The following DPP10 variants were observed in gnomAD, a reference collection of about 807,000 sequenced individuals.
DPP10 encodes inactive dipeptidyl peptidase 10.
A neutral mutation model predicts 120.9 loss-of-function variants in DPP10; 33 were observed. That is an observed-to-expected ratio of 0.27 (90% confidence interval 0.21 to 0.37). The LOEUF (loss-of-function observed/expected upper bound fraction) is 0.37, where lower values mean the gene tolerates loss of function less well. Among genes scored for constraint, DPP10 ranks in the 10% least tolerant of loss-of-function variants. The pLI is 1.00. For synonymous variants in DPP10, 337 were observed against 326.1 expected (o/e 1.03, Z -0.36); for missense variants, 816 against 942.8 (o/e 0.87, Z 1.76).
intron 1 of DPP10, among the ~76,000 whole-genome samples, chr2:115,308,550 T>C (rs561408563): frequency 6.6e-6 from 1 of 152,208 alleles, no homozygotes; most frequent in Non-Finnish European, 1.5e-5. Flanking sequence ...ATGAATAGCT[T>C]TACCACATGC....
intron 1 of DPP10, among the ~76,000 whole-genome samples, chr2:114,614,129 G>T (rs1375406528): frequency 6.6e-6 from 1 of 152,054 alleles, no homozygotes; most frequent in Non-Finnish European, 1.5e-5. Flanking sequence ...AGAACTTAAA[G>T]TAAAATAAAA....
intron 1 of DPP10, among the ~76,000 whole-genome samples, chr2:114,458,280 A>G (rs182118768): frequency 7.9e-4 from 120 of 152,252 alleles, no homozygotes; most frequent in African/African-American, 2.7e-3. Context: ...TTCAAATTCT[A>G]TATTAATCTA....
chr2:114,841,361 A>C (rs1688140785), intron 1 of DPP10, among the ~76,000 whole-genome samples: 1 of 152,164 alleles, frequency 6.6e-6, no homozygotes, highest in South Asian at 2.1e-4. Flanking sequence ...TTGCAAATAA[A>C]ATGATAGGCT....
chr2:115,197,879 G>T (rs2055400619), intron 1 of DPP10, among the ~76,000 whole-genome samples: 1 of 152,152 alleles, frequency 6.6e-6, no homozygotes, highest in Non-Finnish European at 1.5e-5. Context: ...TGTATTTTCA[G>T]AATCTTATTA....
chr2:114,558,057 G>A (rs1688465038), intron 1 of DPP10, among the ~76,000 whole-genome samples: 1 of 152,146 alleles, frequency 6.6e-6, no homozygotes, highest in African/African-American at 2.4e-5. Context: ...ATGTGAGGAT[G>A]ACTGGAAGTA....
rs376988463 is a variant in DPP10 at position 115,162,276 on chromosome 2, A to G, written c.61-146963A>G. 13 of 1,541,348 alleles carry G rather than the reference A, an allele frequency of 8.4e-6. No individual in the cohort carries two copies. The African/African-American group carries it at 1.8e-4, about 21-fold the overall frequency. ...CCGCGGGGAAGGGGGCAGAGAGGTA[A>G]AGGCTGAAGGTGCCCCGGGGAACCC... On this transcript the variant is annotated intron_variant, in intron 1 of 25. Transcript: ENST00000410059.
chr2:114,782,887 C>T (rs1419983414), intron 1 of DPP10, among the ~76,000 whole-genome samples: 1 of 152,086 alleles, frequency 6.6e-6, no homozygotes, highest in African/African-American at 2.4e-5. Flanking sequence ...AGCTTAAAAA[C>T]ACTCCTCAGC....
intron 8 of DPP10, among the ~76,000 whole-genome samples, chr2:115,737,486 A>T (rs1025108838): frequency 6.6e-6 from 1 of 152,058 alleles, no homozygotes; most frequent in Non-Finnish European, 1.5e-5. Context: ...ATCTTTTTTC[A>T]AATCTTGTAA....
chr2:115,461,104 GCTT>G (rs982393524), intron 3 of DPP10, among the ~76,000 whole-genome samples: 1 of 152,074 alleles, frequency 6.6e-6, no homozygotes, highest in Non-Finnish European at 1.5e-5. Context: ...CTCCCCTGTG[GCTT>G]CTATGTTGAG....
chr2:115,139,643 A>G (rs958443713), intron 1 of DPP10, among the ~76,000 whole-genome samples: 2 of 150,326 alleles, frequency 1.3e-5, no homozygotes, highest in Non-Finnish European at 3.0e-5. Flanking sequence ...CCAGAGGTGA[A>G]AAGCAGGTTT....
intron 1 of DPP10, among the ~76,000 whole-genome samples, chr2:114,998,953 A>T (rs1301996002): frequency 6.6e-6 from 1 of 152,160 alleles, no homozygotes; most frequent in Non-Finnish European, 1.5e-5. Flanking sequence ...ATTTGACTGA[A>T]CACACTTAGA....
chr2:115,242,634 AGAGGTGTTCCCATTTCACCAC>A (rs1288096898), intron 1 of DPP10, among the ~76,000 whole-genome samples: 1 of 150,216 alleles, frequency 6.7e-6, no homozygotes, highest in Non-Finnish European at 1.5e-5. Context: ...CCAGCAGTGT[AGAGGTGTTCCCATTTCACCAC>A]ATCCATGCCA....
chr2:114,751,781 CT>C (rs1214648933), intron 1 of DPP10, among the ~76,000 whole-genome samples: 1 of 152,220 alleles, frequency 6.6e-6, no homozygotes, highest in Admixed American at 6.5e-5. Flanking sequence ...ATGTTGGGAG[CT>C]TAAGCTGAAA....
intron 3 of DPP10, among the ~76,000 whole-genome samples, chr2:115,363,748 C>A (rs1201415474): frequency 1.3e-5 from 2 of 152,164 alleles, no homozygotes; most frequent in African/African-American, 4.8e-5. Context: ...TTTCATTTCT[C>A]TAGACTCTAT....
At chr2:115,028,089 A>G (rs1703594952) in intron 1 of DPP10, among the ~76,000 whole-genome samples, 1 of 151,808 alleles carries the variant, frequency 6.6e-6, no homozygotes, top group South Asian at 2.1e-4. Context: ...TTTTTGTCTC[A>G]ATTTCACTAT....
At chr2:114,472,156 TA>T (rs1019771102) in intron 1 of DPP10, among the ~76,000 whole-genome samples, 2 of 152,206 alleles carry the variant, frequency 1.3e-5, no homozygotes, top group African/African-American at 4.8e-5. Flanking sequence ...CTGGGTTTGC[TA>T]ACTAGTGTTC....
At chr2:115,335,181 A>G (rs1013050148) in intron 2 of DPP10, among the ~76,000 whole-genome samples, 3 of 151,964 alleles carry the variant, frequency 2.0e-5, no homozygotes, top group African/African-American at 7.2e-5. Context: ...GTACCATGAG[A>G]ACAGTGAAGG....
At chr2:114,994,238 T>C (rs1700937526) in intron 1 of DPP10, among the ~76,000 whole-genome samples, 1 of 152,150 alleles carries the variant, frequency 6.6e-6, no homozygotes, top group Non-Finnish European at 1.5e-5. Context: ...TTCATGCGCA[T>C]TGAAACTCTG....
intron 7 of DPP10, among the ~76,000 whole-genome samples, chr2:115,690,407 A>G (rs570571076): frequency 6.6e-6 from 1 of 152,300 alleles, no homozygotes; most frequent in East Asian, 1.9e-4. Context: ...CAGTTTGAGC[A>G]ATTATATATA....
Sources: allele counts gnomAD v4.1 joint callset (sites outside exome capture counted in the v4.1 genomes callset), GRCh38; gene constraint gnomAD v4.1.1; transcripts MANE v1.5; gene names NCBI Gene and HGNC (gene_info 2026-07-23, HGNC 2026-07-21).